Variants in C9orf50 observed in about 807,000 individuals in gnomAD.
The protein encoded by C9orf50 is uncharacterized protein C9orf50.
A neutral mutation model predicts 42.5 loss-of-function variants in C9orf50; 33 were observed. That is an observed-to-expected ratio of 0.78 (90% CI 0.59 to 1.04). The LOEUF (loss-of-function observed/expected upper bound fraction) is 1.04. Among genes scored for constraint, C9orf50 ranks in the 50% least tolerant of loss-of-function variants. The pLI is 0.00. For synonymous variants in C9orf50, 257 were observed against 273.4 expected, an observed-to-expected ratio of 0.94 and a Z score of 0.59; for missense variants, 547 against 594.3, an observed-to-expected ratio of 0.92 and a Z score of 0.83.
chr9:129,615,498 T>C, exon 4 of C9orf50: 1 of 1,599,466 alleles, frequency 6.3e-7, no homozygotes, highest in Non-Finnish European at 8.5e-7. Flanking sequence ...GCGTCTGCGC[T>C]CCCAGTAGCG....
At chr9:129,617,437 T>C (rs1830446352) in intron 3 of C9orf50, among the ~76,000 whole-genome samples, 1 of 152,236 alleles carries the variant, frequency 6.6e-6, no homozygotes, top group Non-Finnish European at 1.5e-5. Context: ...CGAGGGCCAC[T>C]GGAGCCTGTT....
upstream of C9orf50, among the ~76,000 whole-genome samples, chr9:129,621,530 T>C (rs1378442621): frequency 1.3e-5 from 2 of 152,148 alleles, no homozygotes; most frequent in Admixed American, 6.6e-5. Flanking sequence ...CTAATTTTTG[T>C]ATATTTTGTA....
rs371857020 is a variant in C9orf50, at chr9:129,619,675, G to T, written c.600-39C>A. The stretch of plus-strand genomic sequence containing the variant: ...AGGCCACATCTGGCATGAGTGGCCA[G>T]GCTGTCCCGCCCTGGAAACATCGAT... On this transcript the variant is annotated intron_variant, in intron 2 of 6. Transcript: ENST00000372478. 3.1e-6 allele frequency: 5 copies of T among 1,612,476 alleles called. No homozygotes were observed. In the African/African-American group the frequency reaches 5.3e-5, roughly 17 times the overall value.
exon 3 of C9orf50, chr9:129,619,548 G>T: frequency 6.2e-7 from 1 of 1,614,044 alleles, no homozygotes; most frequent in Non-Finnish European, 8.5e-7. Context: ...GTGGTGAATT[G>T]TGAGTGATCA....
chr9:129,621,108 C>T (rs981241785), upstream of C9orf50, among the ~76,000 whole-genome samples: 5 of 152,240 alleles, frequency 3.3e-5, no homozygotes, highest in Non-Finnish European at 7.3e-5. Flanking sequence ...AGAGAGAGCA[C>T]TTAGCCTGCC....
rs768041968 is a variant in C9orf50, at chr9:129,613,562, G to A, written c.916C>T (p.Leu306=). ...AACACCCGCTCGGACGCCACTGGCA[G>A]GGCGGCCTTCTGGTTCACAATGACG... is the stretch of plus-strand genomic sequence containing the variant. The change falls in exon 5 of 7, where the codon CTG becomes TTG. Residue 306 remains leucine, a synonymous_variant. Transcript: ENST00000372478. The surrounding 1 kb of genome is among the most constrained non-coding windows in gnomAD (Gnocchi z 6.2). The A allele has an allele frequency of 2.7e-5, 44 of 1,614,058 alleles. No individual in the cohort carries two copies. In the South Asian group the frequency reaches 4.6e-4, roughly 17 times the overall value.
At position 129,619,952 on chromosome 9, in the gene C9orf50, G is replaced by T. The variant is rs1830593461; in HGVS notation, c.508+115C>A. The T allele has an allele frequency of 2.7e-6, 4 of 1,482,958 alleles. No individual in the cohort carries two copies. In the East Asian group the frequency reaches 7.3e-5, roughly 27 times the overall value. 91.9% of individuals were successfully genotyped at this position (1,482,958 alleles called of 1,614,324 possible). A position where few individuals can be genotyped will look rare whatever the true frequency, so the allele number is the denominator to read the frequency against. ...GGTTGCGAGGGCTCTGAGATACTCA[G>T]CTAACATTAGCATCCTTCTAGCCTG... On this transcript the variant is annotated intron_variant, in intron 1 of 6. Coordinates refer to ENST00000372478, the Ensembl canonical transcript of C9orf50.
chr9:129,619,377 A>T, intron 3 of C9orf50, 143 bp downstream of exon 3: 1 of 679,524 alleles, frequency 1.5e-6, no homozygotes. Context: ...AGAAGATCTG[A>T]TTCACGGACA....
rs1297272246 is a variant in C9orf50 at position 129,614,917 on chromosome 9, A to G, written c.880+567T>C. Among the ~76,000 whole-genome samples, 2 of 151,630 alleles carry G rather than the reference A, an allele frequency of 1.3e-5. No homozygotes were observed. Among genetic ancestry groups the G allele is most frequent in the Non-Finnish European group, 2.9e-5 (2 of 67,954 alleles). ...ACTCCGTATCAGAAAAAAAAAAAGA[A>G]AAAGAAAACTCACTGGGAACTGCAA... is the stretch of plus-strand genomic sequence containing the variant. On this transcript the variant is annotated intron_variant, in intron 4 of 6. Transcript: ENST00000372478. The surrounding 1 kb of genome is among the most constrained non-coding windows in gnomAD (Gnocchi z 4.4).
chr9:129,619,964 A>T, intron 1 of C9orf50, 103 bp downstream of exon 1: 1 of 1,480,086 alleles, frequency 6.8e-7, no homozygotes, highest in Non-Finnish European at 9.2e-7. Flanking sequence ...TAACATTAGC[A>T]TCCTTCTAGC....
In C9orf50 at chr9:129,618,868, GTTT is replaced by G. The variant is rs34259203; in HGVS notation, c.716+649_716+651del. 5.4e-3 allele frequency among the ~76,000 whole-genome samples: 691 copies of G among 128,278 alleles called. 16 individuals carry two copies. The East Asian group carries it at 0.067, about 12-fold the overall frequency. The allele number at this position is 128,278 out of a possible 152,430, so 84.2% of individuals were successfully genotyped here. On this transcript the variant is annotated intron_variant, in intron 3 of 6. Coordinates refer to ENST00000372478, the Ensembl canonical transcript of C9orf50. ...CCACCACGCCCGGCTAATTTTTTGTGTTTTTTTTTTTTTTTTTGTATATTTTTA... is the reference window on the plus strand; with the variant it reads ...CCACCACGCCCGGCTAATTTTTTGTGTTTTTTTTTTTTTTGTATATTTTTA...
chr9:129,618,062 C>T lies in C9orf50; in HGVS notation c.716+1458G>A, dbSNP rs184745710. Among the ~76,000 whole-genome samples the T allele has an allele frequency of 2.0e-5, 3 of 152,278 alleles. No individual in the cohort carries two copies. The East Asian group carries it at 5.8e-4, about 29-fold the overall frequency. ...TACTGTGTGAGGAATGGTTCTGAGGCTCAGTGGGGAAATATGATCCATTAG... is the reference window on the plus strand; with the variant it reads ...TACTGTGTGAGGAATGGTTCTGAGGTTCAGTGGGGAAATATGATCCATTAG... On this transcript the variant is annotated intron_variant, in intron 3 of 6. Transcript: ENST00000372478.
intron 6 of C9orf50, among the ~76,000 whole-genome samples, chr9:129,612,850 G>A (rs1323693081): frequency 6.6e-6 from 1 of 151,980 alleles, no homozygotes. Flanking sequence ...AGAGAGGAGA[G>A]GGGAGGGGAG....
intron 3 of C9orf50, 73 bp downstream of exon 3, chr9:129,619,447 G>T: frequency 9.2e-7 from 1 of 1,081,610 alleles, no homozygotes; most frequent in Non-Finnish European, 1.4e-6. Context: ...ATTCATGGGC[G>T]AAAGAGGAAA....
rs775969054 is a variant in C9orf50 at position 129,615,645 on chromosome 9, C to T, written c.719G>A (p.Arg240Lys). The T allele has an allele frequency of 4.5e-6, 7 of 1,556,090 alleles. 1 individual carries two copies. The South Asian group carries it at 8.3e-5, about 18-fold the overall frequency. ...CCTGGGGACCTGTGCACCGTGGGGC[C>T]TGCTGAGAGAGGGGAGAGGGGCCTG... The change falls in exon 4 of 7, where the codon AGG (arginine) becomes AAG (lysine). Residue 240 changes from arginine (R) to lysine (K), a missense_variant and splice_region_variant. By Grantham distance (26) the Arg-to-Lys change is conservative. This residue lies in a region of C9orf50 where 334 missense variants were observed against 323.7 expected (regional missense o/e 1.03). Coordinates refer to ENST00000372478, the Ensembl canonical transcript of C9orf50.
Position 129,620,285 on chromosome 9 carries a change from A to T in C9orf50, c.290T>A (p.Leu97Gln), listed in dbSNP as rs1465783030. 1.6e-6 allele frequency: 2 copies of T among 1,272,794 alleles called. No individual in the cohort carries two copies. The highest frequency in any genetic ancestry group is 2.0e-6 in the Non-Finnish European group (2 of 1,006,320). 78.8% of individuals were successfully genotyped at this position (1,272,794 alleles called of 1,614,324 possible). ...CAGGGGAGGCGGCAGCAGGGACCGCAGCAGCCCCCGCTTCCGCACGGCCCG... is the reference window on the plus strand; with the variant it reads ...CAGGGGAGGCGGCAGCAGGGACCGCTGCAGCCCCCGCTTCCGCACGGCCCG... Residue 97 changes from leucine to glutamine, a missense_variant, in exon 1 of 7, where the codon CTG (leucine) becomes CAG (glutamine). Around this residue, in one of 3 missense-constraint regions of C9orf50, gnomAD observed 108 missense variants for 172.1 expected, o/e 0.63. Coordinates refer to ENST00000372478, the Ensembl canonical transcript of C9orf50. The surrounding 1 kb of genome is among the most constrained non-coding windows in gnomAD (Gnocchi z 5.8).
intron 3 of C9orf50, among the ~76,000 whole-genome samples, chr9:129,617,407 G>A (rs1830445182): frequency 6.6e-6 from 1 of 152,206 alleles, no homozygotes; most frequent in African/African-American, 2.4e-5. Context: ...CCACCTGCCT[G>A]AAATCTCAGC....
rs1464678689 is a variant in C9orf50, at chr9:129,620,576, C to CTTGGCCCCG, written c.-11_-3dup. 18 of 1,358,642 alleles carry CTTGGCCCCG rather than the reference C, an allele frequency of 1.3e-5. No homozygotes were observed. In the East Asian group the frequency reaches 5.0e-4, roughly 38 times the overall value. 84.2% of individuals were successfully genotyped at this position (1,358,642 alleles called of 1,614,324 possible). A position where few individuals can be genotyped will look rare whatever the true frequency, so the allele number is the denominator to read the frequency against. Reference sequence around the variant, plus strand: ...TGGGCGAAGTCGACGCCAGAACATGCTTGGCCCCGCACTCAGCTCACCGCA... The same window carrying CTTGGCCCCG: ...TGGGCGAAGTCGACGCCAGAACATGCTTGGCCCCGTTGGCCCCGCACTCAGCTCACCGCA... On this transcript the variant is annotated 5_prime_UTR_variant, in exon 1 of 7. Coordinates refer to ENST00000372478, the Ensembl canonical transcript of C9orf50. The surrounding 1 kb of genome is among the most constrained non-coding windows in gnomAD (Gnocchi z 5.8).
In C9orf50 at chr9:129,614,136, C is replaced by T. The variant is rs1416657513; in HGVS notation, c.881-539G>A. On this transcript the variant is annotated intron_variant, in intron 4 of 6. Coordinates refer to ENST00000372478, the Ensembl canonical transcript of C9orf50. The surrounding 1 kb of genome is among the most constrained non-coding windows in gnomAD (Gnocchi z 4.4). ...ACACGGAATCATCTCCTGTATGCAC[C>T]AACTGCCATTCACATGAAATTGTTT... 6.6e-6 allele frequency among the ~76,000 whole-genome samples: 1 copy of T among 152,168 alleles called. No homozygotes were observed. The highest frequency in any genetic ancestry group is 1.5e-5 in the Non-Finnish European group (1 of 68,028).
Sources: gnomAD v4.1 joint callset for allele counts (sites outside exome capture counted in the v4.1 genomes callset) on GRCh38, gnomAD v4.1.1 for gene constraint, gnomAD v4.1.1 regional missense constraint, Gnocchi (gnomAD v3.1) non-coding constraint, MANE v1.5 for transcripts, NCBI Gene and HGNC (gene_info 2026-07-23, HGNC 2026-07-21) for gene names.